Variants in ARSG observed in about 807,000 individuals in gnomAD.
ARSG encodes the protein arylsulfatase G, also known as ASG.
A neutral mutation model predicts 50.5 loss-of-function variants in ARSG; 37 were observed. The observed-to-expected ratio is 0.73, with a 90% CI of 0.56 to 0.96. The LOEUF (loss-of-function observed/expected upper bound fraction) is 0.96. Among genes scored for constraint, ARSG ranks in the 50% least tolerant of loss-of-function variants. ARSG has a pLI of 0.00. For missense variants in ARSG, 629 were observed against 675.3 expected, an observed-to-expected ratio of 0.93 and a Z score of 0.76; for synonymous variants, 225 against 254.6, an observed-to-expected ratio of 0.88 and a Z score of 1.11.
chr17:68,423,078 A>G (rs571534099), downstream of ARSG, among the ~76,000 whole-genome samples: 1 of 152,316 alleles, frequency 6.6e-6, no homozygotes, highest in South Asian at 2.1e-4. The surrounding 1 kb of genome is among the most constrained non-coding windows in gnomAD (Gnocchi z 4.4). Flanking sequence ...CAGACTACTC[A>G]GGCAAGCCTA....
chr17:68,296,402 T>A (rs1323588764), intron 1 of ARSG, among the ~76,000 whole-genome samples: 1 of 152,204 alleles, frequency 6.6e-6, no homozygotes, highest in Non-Finnish European at 1.5e-5. Flanking sequence ...TGTTTCTAGA[T>A]TCCCAGGAAC....
rs1019512071 is a variant in ARSG at position 68,381,436 on chromosome 17, G to A, written c.983-3628G>A. Among the ~76,000 whole-genome samples the A allele has an allele frequency of 6.6e-6, 1 of 152,302 alleles. No homozygotes were observed. Among genetic ancestry groups the A allele is most frequent in the East Asian group, 1.9e-4 (1 of 5,188 alleles). On this transcript the variant is annotated intron_variant, in intron 8 of 11. Coordinates refer to ENST00000621439, the MANE Select transcript of ARSG (RefSeq NM_001267727.2). This position sits in a 1 kb window ranked among gnomAD's most constrained non-coding sequence, Gnocchi z 4.1. ...GACACGCATTTCTCGACAGAAAGCC[G>A]AAGGCAACTAACAGTTTTAATGTGC...
At chr17:68,439,900 T>C in the ARSG span, among the ~76,000 whole-genome samples, 1 of 152,198 alleles carries the variant, frequency 6.6e-6, no homozygotes, top group Admixed American at 6.5e-5. Flanking sequence ...CGTGTCTTTG[T>C]GGCAGAGAGA....
chr17:68,428,649 T>G, the ARSG span: 1 of 571,068 alleles, frequency 1.8e-6, no homozygotes, highest in Non-Finnish European at 3.1e-6. Flanking sequence ...GATTACCACA[T>G]GCTGAGGGCA....
At chr17:68,382,881 C>G (rs1459893410) in intron 8 of ARSG, among the ~76,000 whole-genome samples, 1 of 152,112 alleles carries the variant, frequency 6.6e-6, no homozygotes, top group African/African-American at 2.4e-5. Flanking sequence ...GAGCCAGAAC[C>G]CAGGATGTAG....
chr17:68,426,583 A>T (rs1324474275), downstream of ARSG, among the ~76,000 whole-genome samples: 1 of 152,150 alleles, frequency 6.6e-6, no homozygotes, highest in Non-Finnish European at 1.5e-5. Context: ...CCCAGGCTGG[A>T]GTGCAGTGGT....
At chr17:68,277,707 G>A (rs782061973) in intron 1 of ARSG, among the ~76,000 whole-genome samples, 35 of 152,182 alleles carry the variant, frequency 2.3e-4, no homozygotes, top group Non-Finnish European at 2.9e-4. Context: ...TTACAGGTGT[G>A]AGCCACTGTG....
At chr17:68,361,359 G>C (rs1288321264) in intron 6 of ARSG, among the ~76,000 whole-genome samples, 2 of 152,170 alleles carry the variant, frequency 1.3e-5, no homozygotes, top group African/African-American at 4.8e-5. Flanking sequence ...GAAGACACTT[G>C]TCTGTTAATA....
chr17:68,338,736 A>G (rs1382594019), intron 2 of ARSG, among the ~76,000 whole-genome samples: 3 of 152,224 alleles, frequency 2.0e-5, no homozygotes, highest in Non-Finnish European at 4.4e-5. Context: ...ATTTAATGCC[A>G]TTAAATGACT....
chr17:68,298,340 C>T (rs189488150), intron 1 of ARSG, among the ~76,000 whole-genome samples: 44 of 152,128 alleles, frequency 2.9e-4, no homozygotes, highest in Non-Finnish European at 5.4e-4. Flanking sequence ...TGGTGCCCCA[C>T]ATCTGTAATC....
upstream of ARSG, chr17:68,291,231 G>T (rs2075974681): frequency 1.3e-5 from 2 of 151,482 alleles, no homozygotes; most frequent in Non-Finnish European, 3.0e-5. Context: ...GTTGGCTCGG[G>T]CTGGTGAGGC....
chr17:68,292,001 C>A (rs1285830225), intron 1 of ARSG, among the ~76,000 whole-genome samples: 3 of 152,040 alleles, frequency 2.0e-5, no homozygotes, highest in Non-Finnish European at 4.4e-5. Context: ...CTGAGTTCCT[C>A]CTGCAGCGCC....
intron 1 of ARSG, among the ~76,000 whole-genome samples, chr17:68,261,727 T>G (rs1162356694): frequency 6.6e-6 from 1 of 151,972 alleles, no homozygotes; most frequent in Non-Finnish European, 1.5e-5. Context: ...AATGCCTCCC[T>G]AGGGAGGTGG....
intron 6 of ARSG, among the ~76,000 whole-genome samples, chr17:68,362,210 C>T (rs1420936014): frequency 6.6e-6 from 1 of 151,936 alleles, no homozygotes; most frequent in Non-Finnish European, 1.5e-5. Flanking sequence ...TGCCTAAGTG[C>T]CCCTGCTGTG....
At chr17:68,369,414 C>G (rs1295394218) in intron 7 of ARSG, among the ~76,000 whole-genome samples, 1 of 152,176 alleles carries the variant, frequency 6.6e-6, no homozygotes, top group Non-Finnish European at 1.5e-5. Flanking sequence ...TTGGCACACG[C>G]CTGTAGTCCC....
At chr17:68,294,356 T>G (rs929932604) in intron 1 of ARSG, among the ~76,000 whole-genome samples, 1 of 152,254 alleles carries the variant, frequency 6.6e-6, no homozygotes, top group Non-Finnish European at 1.5e-5. Context: ...CTGCCTGTTC[T>G]CTGTCCACGT....
At chr17:68,328,362 G>A (rs1403252452) in intron 2 of ARSG, among the ~76,000 whole-genome samples, 1 of 152,118 alleles carries the variant, frequency 6.6e-6, no homozygotes, top group African/African-American at 2.4e-5. Context: ...GTCTGATTAT[G>A]CCCATTTTGC....
intron 1 of ARSG, among the ~76,000 whole-genome samples, chr17:68,297,374 G>T (rs2076244664): frequency 6.6e-6 from 1 of 152,226 alleles, no homozygotes. Flanking sequence ...AGATGGCACA[G>T]ATAGTCATGG....
At chr17:68,319,116 A>G (rs1246824339) in intron 2 of ARSG, among the ~76,000 whole-genome samples, 2 of 152,186 alleles carry the variant, frequency 1.3e-5, no homozygotes, top group Non-Finnish European at 2.9e-5. Flanking sequence ...GGCAGAAAGG[A>G]CAGTCTAAAC....
Sources: gnomAD v4.1 joint callset for allele counts (sites outside exome capture counted in the v4.1 genomes callset) on GRCh38, gnomAD v4.1.1 for gene constraint, Gnocchi (gnomAD v3.1) non-coding constraint, MANE v1.5 for transcripts, NCBI Gene and HGNC (gene_info 2026-07-23, HGNC 2026-07-21) for gene names.